Variants in DTWD2 observed in about 807,000 individuals in gnomAD.
DTWD2 encodes DTW motif tRNA-uridine aminocarboxypropyltransferase 2, also known as tRNA-uridine aminocarboxypropyltransferase 2.
Under a neutral mutation model 31.8 loss-of-function variants are expected in DTWD2, and 39 were observed. That is an observed-to-expected ratio of 1.22 (90% CI 0.95 to 1.60). The LOEUF (loss-of-function observed/expected upper bound fraction) is 1.60. DTWD2 is among the 40% of genes most tolerant of loss of function. The pLI is 0.00. For missense variants in DTWD2, 515 were observed against 381.5 expected (o/e 1.35, Z -2.92); for synonymous variants, 180 against 142.8 (o/e 1.26, Z -1.86).
chr5:118,936,745 G>C (rs1754054644), intron 3 of DTWD2, among the ~76,000 whole-genome samples: 1 of 151,262 alleles, frequency 6.6e-6, no homozygotes, highest in African/African-American at 2.4e-5. Flanking sequence ...TAAATCCAAA[G>C]CAAGAAAAAA....
intron 1 of DTWD2, among the ~76,000 whole-genome samples, chr5:118,976,315 A>G (rs907641382): frequency 8.5e-5 from 13 of 152,132 alleles, no homozygotes; most frequent in African/African-American, 3.1e-4. Flanking sequence ...AAAGCTAGCA[A>G]CAGACAAGAA....
intron 5 of DTWD2, among the ~76,000 whole-genome samples, chr5:118,845,990 T>C (rs1173494231): frequency 6.6e-6 from 1 of 152,146 alleles, no homozygotes; most frequent in Non-Finnish European, 1.5e-5. Context: ...AAAATGCTGA[T>C]GGAGAAGAGG....
intron 4 of DTWD2, among the ~76,000 whole-genome samples, chr5:118,927,374 G>T (rs1034092124): frequency 2.0e-5 from 3 of 151,840 alleles, no homozygotes; most frequent in African/African-American, 7.3e-5. Flanking sequence ...TATAAAATTG[G>T]TCGAGAAAAA....
chr5:118,921,830 T>C (rs1753711371), intron 4 of DTWD2, among the ~76,000 whole-genome samples: 1 of 152,132 alleles, frequency 6.6e-6, no homozygotes, highest in Admixed American at 6.6e-5. Context: ...AACTGAAGTT[T>C]TGGATAAAAT....
chr5:118,968,403 A>C (rs1371300646), intron 1 of DTWD2, among the ~76,000 whole-genome samples: 3 of 152,220 alleles, frequency 2.0e-5, no homozygotes, highest in Non-Finnish European at 4.4e-5. Context: ...AGAAGAATGA[A>C]AACGGCAAAT....
chr5:118,933,595 C>T (rs1580418758), intron 3 of DTWD2, among the ~76,000 whole-genome samples: 1 of 152,004 alleles, frequency 6.6e-6, no homozygotes, highest in Non-Finnish European at 1.5e-5. Flanking sequence ...TTGACAAAAC[C>T]CAAAGCCCAC....
rs559804831 is a variant in DTWD2 at position 118,949,743 on chromosome 5, T to C, written c.219-5094A>G. The stretch of plus-strand genomic sequence containing the variant: ...GGTGTCTCATACTTGTGGATTAAGA[T>C]GGGGAGACACAAGGGGAGGATGTGA... On this transcript the variant is annotated intron_variant, in intron 1 of 5. Transcript: ENST00000510708. Among the ~76,000 whole-genome samples the C allele has an allele frequency of 3.3e-5, 5 of 151,850 alleles. No homozygotes were observed. The South Asian group carries it at 8.3e-4, about 25-fold the overall frequency.
intron 4 of DTWD2, among the ~76,000 whole-genome samples, chr5:118,884,256 C>A (rs937335842): frequency 9.2e-5 from 14 of 152,152 alleles, no homozygotes; most frequent in African/African-American, 3.1e-4. Flanking sequence ...CAAAAACTCA[C>A]CCACAGAACC....
chr5:118,938,796 C>A (rs1449296005), intron 3 of DTWD2, among the ~76,000 whole-genome samples: 1 of 37,850 alleles, frequency 2.6e-5, no homozygotes, highest in Non-Finnish European at 5.2e-5. Flanking sequence ...AAATCTAATA[C>A]AAGAACCCTA....
In DTWD2 at chr5:118,841,049, T is replaced by G; in HGVS notation, c.765A>C (p.Gln255His). 2 of 1,613,358 alleles carry G rather than the reference T, an allele frequency of 1.2e-6. No homozygotes were observed. Among genetic ancestry groups the G allele is most frequent in the Non-Finnish European group, 1.7e-6 (2 of 1,179,600 alleles). Residue 255 changes from glutamine (Q) to histidine (H), a missense_variant, in exon 6 of 6, where the codon CAA becomes CAC. Physicochemically the swap from Gln to His is conservative, Grantham distance 24 (BLOSUM62 0). Transcript: ENST00000510708. ...LRPLQALCSF[Q>H]LQHGAQIRLS... ...GGCGAATTTGGGCACCATGCTGAAGTTGAAAGGAGCATAAAGCTTGAAGAG... is the reference window on the plus strand; with the variant it reads ...GGCGAATTTGGGCACCATGCTGAAGGTGAAAGGAGCATAAAGCTTGAAGAG...
chr5:118,950,995 G>T (rs894811639), intron 1 of DTWD2, among the ~76,000 whole-genome samples: 4 of 152,140 alleles, frequency 2.6e-5, no homozygotes, highest in African/African-American at 9.7e-5. Context: ...GGAAGGTAAA[G>T]TCTCTAAGGG....
intron 4 of DTWD2, among the ~76,000 whole-genome samples, chr5:118,861,640 T>G (rs1394813582): frequency 6.6e-6 from 1 of 152,160 alleles, no homozygotes; most frequent in Admixed American, 6.5e-5. Flanking sequence ...TCAATAAACA[T>G]TTATTGAGTA....
intron 1 of DTWD2, among the ~76,000 whole-genome samples, chr5:118,957,477 C>T (rs1010969157): frequency 3.9e-5 from 6 of 152,122 alleles, no homozygotes; most frequent in African/African-American, 1.4e-4. Context: ...GCCTTGGCCT[C>T]ACAAAGTGCT....
At chr5:118,856,103 G>C (rs7722194) in intron 4 of DTWD2, among the ~76,000 whole-genome samples, 1 of 151,902 alleles carries the variant, frequency 6.6e-6, no homozygotes, top group Non-Finnish European at 1.5e-5. Context: ...GTTCACTTAC[G>C]GATGTCCATA....
At chr5:118,973,976 G>A in intron 1 of DTWD2, 3 of 1,584,626 alleles carry the variant, frequency 1.9e-6, no homozygotes, top group Admixed American at 1.7e-5. Context: ...AGAAGGTGGG[G>A]AGGAAGAGGA....
At chr5:118,974,670 A>C (rs1351920279) in intron 1 of DTWD2, 1 of 505,484 alleles carries the variant, frequency 2.0e-6, no homozygotes, top group African/African-American at 2.0e-5. Flanking sequence ...ATGGTTAAAA[A>C]GGCCAAAGAT....
At chr5:118,867,537 T>C (rs1417498953) in intron 4 of DTWD2, among the ~76,000 whole-genome samples, 1 of 152,236 alleles carries the variant, frequency 6.6e-6, no homozygotes, top group African/African-American at 2.4e-5. Flanking sequence ...TCTAACAGCA[T>C]GTCCTTGAGC....
intron 2 of DTWD2, among the ~76,000 whole-genome samples, chr5:118,939,570 T>C (rs559819264): frequency 1.3e-5 from 2 of 152,250 alleles, no homozygotes; most frequent in Admixed American, 6.5e-5. Flanking sequence ...AAAATGTAAA[T>C]TTGTGTTTAA....
intron 1 of DTWD2, chr5:118,973,941 A>C (rs1198750212): frequency 6.3e-7 from 1 of 1,590,594 alleles, no homozygotes; most frequent in African/African-American, 1.3e-5. Flanking sequence ...CAGGAGGCTG[A>C]CAATGAGGTA....
Sources: allele counts gnomAD v4.1 joint callset (sites outside exome capture counted in the v4.1 genomes callset), GRCh38; gene constraint gnomAD v4.1.1; transcripts MANE v1.5; gene names NCBI Gene and HGNC (gene_info 2026-07-23, HGNC 2026-07-21).